UGT1A5: variants seen among roughly 807,000 people sequenced by gnomAD.
UGT1A5 encodes UDP glucuronosyltransferase family 1 member A5.
Under a neutral mutation model 40.3 loss-of-function variants are expected in UGT1A5, and 29 were observed. The observed-to-expected ratio is 0.72, with a 90% confidence interval of 0.54 to 0.98. UGT1A5 has a LOEUF of 0.98. Among genes scored for constraint, UGT1A5 ranks in the 50% least tolerant of loss-of-function variants. UGT1A5 has a pLI of 0.00. For missense variants in UGT1A5, 678 were observed against 677.9 expected, an observed-to-expected ratio of 1.00 and a Z score of 0.00; for synonymous variants, 257 against 262.5, an observed-to-expected ratio of 0.98 and a Z score of 0.20.
chr2:233,768,295 C>A lies in UGT1A5; in HGVS notation c.1163C>A (p.Pro388His). 1.9e-6 allele frequency: 3 copies of A among 1,614,158 alleles called. No individual in the cohort carries two copies. Among genetic ancestry groups the A allele is most frequent in the South Asian group, 2.2e-5 (2 of 91,082 alleles). ...GVYESICNGV[P>H]MVMMPLFGDQ... The stretch of plus-strand genomic sequence containing the variant: ...TATGAAAGCATATGCAATGGCGTTC[C>A]CATGGTGATGATGCCCTTGTTTGGT... Residue 388 changes from proline (P) to histidine (H), a missense_variant, in exon 4 of 5, where the codon CCC (proline) becomes CAC (histidine). Coordinates refer to ENST00000373414, the MANE Select transcript of UGT1A5 (RefSeq NM_019078.2).
At chr2:233,747,128 C>G (rs1346138562) in intron 1 of UGT1A5, 1 of 1,515,314 alleles carries the variant, frequency 6.6e-7, no homozygotes, top group Non-Finnish European at 8.9e-7. Context: ...CTAAGTGGCT[C>G]AGTGACAAGG....
At chr2:233,751,923 T>G (rs1390474537) in intron 1 of UGT1A5, among the ~76,000 whole-genome samples, 1 of 152,048 alleles carries the variant, frequency 6.6e-6, no homozygotes, top group Non-Finnish European at 1.5e-5. Context: ...ACAAGATTGG[T>G]GGTGATTGAA....
chr2:233,715,254 A>G (rs547164013), intron 1 of UGT1A5, among the ~76,000 whole-genome samples: 219 of 152,274 alleles, frequency 1.4e-3, no homozygotes, highest in African/African-American at 5.0e-3. Context: ...CTTTTAAAAA[A>G]TCCCCTTACA....
At chr2:233,736,493 CT>C (rs2078770083) in intron 1 of UGT1A5, among the ~76,000 whole-genome samples, 1 of 152,222 alleles carries the variant, frequency 6.6e-6, no homozygotes, top group African/African-American at 2.4e-5. Context: ...TACTACCAAA[CT>C]TCTGAAGCCT....
intron 1 of UGT1A5, among the ~76,000 whole-genome samples, chr2:233,758,575 A>G (rs1696915636): frequency 6.6e-6 from 1 of 152,204 alleles, no homozygotes; most frequent in African/African-American, 2.4e-5. Context: ...TAAAAAATGA[A>G]GAGTGTTTGG....
At chr2:233,765,117 T>C (rs1698755913) in intron 1 of UGT1A5, among the ~76,000 whole-genome samples, 1 of 152,162 alleles carries the variant, frequency 6.6e-6, no homozygotes, top group Admixed American at 6.5e-5. Flanking sequence ...CTCAGGACTG[T>C]TCAGGTTTTA....
intron 1 of UGT1A5, among the ~76,000 whole-genome samples, chr2:233,747,063 C>T (rs1043873041): frequency 4.6e-5 from 7 of 151,894 alleles, no homozygotes; most frequent in African/African-American, 1.2e-4. Flanking sequence ...ATTGGTTAAT[C>T]GGTAATAATT....
intron 1 of UGT1A5, among the ~76,000 whole-genome samples, chr2:233,715,831 T>C (rs1175914174): frequency 1.3e-5 from 2 of 152,160 alleles, no homozygotes; most frequent in African/African-American, 4.8e-5. Context: ...AAAACATTTT[T>C]TTAAAACTCC....
In UGT1A5 at chr2:233,724,166, C is replaced by A. The variant is rs1252861815; in HGVS notation, c.867+10308C>A. 7.0e-5 allele frequency among the ~76,000 whole-genome samples: 8 copies of A among 114,362 alleles called. No individual in the cohort carries two copies. In the East Asian group the frequency reaches 1.8e-3, roughly 26 times the overall value. The allele number at this position is 114,362 out of a possible 152,430, so 75.0% of individuals were successfully genotyped here. On this transcript the variant is annotated intron_variant, in intron 1 of 4. Transcript: ENST00000373414. Reference sequence around the variant, plus strand: ...CGGCTGGCCGGGTGGGGGGGCTGACCCCCCCATCTCCCTCCCGGACGGGGT... The same window carrying A: ...CGGCTGGCCGGGTGGGGGGGCTGACACCCCCATCTCCCTCCCGGACGGGGT...
chr2:233,755,031 C>A (rs758383518), intron 1 of UGT1A5: 1 of 1,312,808 alleles, frequency 7.6e-7, no homozygotes, highest in East Asian at 4.6e-5. Flanking sequence ...GAAGGGCCTG[C>A]CGCCTGCGCA....
In UGT1A5 at chr2:233,772,898, G is replaced by C. The variant is rs1042640; in HGVS notation, c.*339G>C. 367,954 of 456,154 alleles carry C rather than the reference G, an allele frequency of 0.81. 148,868 individuals are homozygous for C. Among genetic ancestry groups the C allele is most frequent in the East Asian group, 0.89 (15,034 of 16,914 alleles). The allele number at this position is 456,154 out of a possible 1,614,324, so 28.3% of individuals were successfully genotyped here. On this transcript the variant is annotated 3_prime_UTR_variant, in exon 5 of 5. Coordinates refer to ENST00000373414, the MANE Select transcript of UGT1A5 (RefSeq NM_019078.2). ...GTGCGGGATTCAAAGGTGGTCCCACGGCTGCCCCTACTGCAAATGGCAGTT... is the reference window on the plus strand; with the variant it reads ...GTGCGGGATTCAAAGGTGGTCCCACCGCTGCCCCTACTGCAAATGGCAGTT...
rs1559415894 is a variant in UGT1A5, at chr2:233,768,434, C to CA, written c.1306dup (p.Ser436LysfsTer74). 6.2e-7 allele frequency: 1 copy of CA among 1,613,634 alleles called. No individual in the cohort carries two copies. The highest frequency in any genetic ancestry group is 1.1e-5 in the South Asian group (1 of 90,992). Reference sequence around the variant, plus strand: ...ATGCTCTAAAAGCAGTCATCAATGACAAAAGGTAAGAAAGAAGATACAGAA... The same window carrying CA: ...ATGCTCTAAAAGCAGTCATCAATGACAAAAAGGTAAGAAAGAAGATACAGAA... On this transcript the variant is annotated frameshift_variant, in exon 4 of 5. Transcript: ENST00000373414. LOFTEE classifies it high-confidence loss of function.
intron 1 of UGT1A5, among the ~76,000 whole-genome samples, chr2:233,764,026 T>C (rs980223655): frequency 5.3e-5 from 8 of 152,158 alleles, no homozygotes; most frequent in African/African-American, 1.9e-4. Flanking sequence ...GGTGTCTAAG[T>C]GCTAAAGAAG....
intron 1 of UGT1A5, chr2:233,747,578 G>A: frequency 6.3e-7 from 1 of 1,584,344 alleles, no homozygotes; most frequent in Non-Finnish European, 8.7e-7. Flanking sequence ...ATTCATCTTT[G>A]GTCTTTCATA....
At position 233,772,766 on chromosome 2, in the gene UGT1A5, C is replaced by T. The variant is rs910513508; in HGVS notation, c.*207C>T. 4 of 1,374,588 alleles carry T rather than the reference C, an allele frequency of 2.9e-6. No individual in the cohort carries two copies. Among genetic ancestry groups the T allele is most frequent in the Non-Finnish European group, 3.8e-6 (4 of 1,047,350 alleles). 85.1% of individuals were successfully genotyped at this position (1,374,588 alleles called of 1,614,324 possible). ...AGATATTTGAATATGTATCGTGCCC[C>T]CTCTGGTGTCTTTGATCAGGATGAC... On this transcript the variant is annotated 3_prime_UTR_variant, in exon 5 of 5. Transcript: ENST00000373414.
At position 233,713,498 on chromosome 2, in the gene UGT1A5, T is replaced by A; in HGVS notation, c.507T>A (p.Ala169=). ...TGGCTAAGTACCTGTCGATTCCTGC[T>A]GTGTTTTTCTTGAGGAACATTCCAT... ...AVLAKYLSIP[A]VFFLRNIPCD... is the part of the protein sequence containing the mutation. The change falls in exon 1 of 5, where the codon GCT becomes GCA. Residue 169 remains alanine (A), a synonymous_variant. Transcript: ENST00000373414. 1 of 1,614,012 alleles carries A rather than the reference T, an allele frequency of 6.2e-7. No homozygotes were observed. Among genetic ancestry groups the A allele is most frequent in the Non-Finnish European group, 8.5e-7 (1 of 1,179,924 alleles).
chr2:233,719,373 A>G (rs772532709), intron 1 of UGT1A5: 4 of 1,613,970 alleles, frequency 2.5e-6, no homozygotes. Flanking sequence ...CTTTAAGGGC[A>G]CACAGTGTCC....
chr2:233,726,096 G>T (rs1250649132), intron 1 of UGT1A5, among the ~76,000 whole-genome samples: 3 of 152,168 alleles, frequency 2.0e-5, no homozygotes, highest in African/African-American at 7.2e-5. Flanking sequence ...ATCCGAGGAG[G>T]TGGAGGCTGC....
chr2:233,717,663 C>T (rs953921301), intron 1 of UGT1A5: 3 of 412,194 alleles, frequency 7.3e-6, no homozygotes, highest in Non-Finnish European at 1.5e-5. Context: ...GAAGCATCAG[C>T]AATCTTGCGA....
Sources: gnomAD v4.1 joint callset for allele counts (sites outside exome capture counted in the v4.1 genomes callset) on GRCh38, gnomAD v4.1.1 for gene constraint, MANE v1.5 for transcripts, NCBI Gene and HGNC (gene_info 2026-07-23, HGNC 2026-07-21) for gene names.